The following GBE1 variants were observed in gnomAD, a reference collection of about 807,000 sequenced individuals.
The protein encoded by GBE1 is 1,4-alpha-glucan-branching enzyme.
GBE1 carries 70 observed loss-of-function variants against 88.8 expected under a neutral mutation model. The observed-to-expected ratio is 0.79, with a 90% CI of 0.65 to 0.96. GBE1 has a LOEUF of 0.96. Ranked by LOEUF, GBE1 falls within the 40% of genes least tolerant of loss-of-function variation. The pLI, the probability that GBE1 is intolerant of heterozygous loss-of-function variation, is 0.00. For synonymous variants in GBE1, 284 were observed against 300.1 expected (o/e 0.95, Z 0.56); for missense variants, 872 against 871.0 (o/e 1.00, Z -0.01).
chr3:81,514,356 T>C (rs1322683306), intron 14 of GBE1, among the ~76,000 whole-genome samples: 1 of 151,266 alleles, frequency 6.6e-6, no homozygotes, highest in African/African-American at 2.4e-5. Flanking sequence ...CATTCAGTTA[T>C]ATGTTAATTA....
rs140571802 is a variant in GBE1, at chr3:81,577,962, C to T, written c.1581G>A (p.Thr527=). ...GATAGCCTTCTCCACCAAGCCCATGCGTAATGAGTCGAATCATTTTATGAA... is the reference window on the plus strand; with the variant it reads ...GATAGCCTTCTCCACCAAGCCCATGTGTAATGAGTCGAATCATTTTATGAA... ...IQLHKMIRLI[T]HGLGGEGYLN... The change falls in exon 12 of 16, where the codon ACG becomes ACA. Residue 527 remains threonine (T), a synonymous_variant. Coordinates refer to ENST00000429644, the MANE Select transcript of GBE1 (RefSeq NM_000158.4). The T allele has an allele frequency of 5.1e-5, 82 of 1,605,892 alleles. No individual in the cohort carries two copies. The South Asian group carries it at 6.7e-4, about 13-fold the overall frequency.
At chr3:81,490,487 T>G (rs189560550) in intron 15 of GBE1, 24 bp from the exon 16 acceptor site, 1 of 1,596,036 alleles carries the variant, frequency 6.3e-7, no homozygotes, top group Non-Finnish European at 8.6e-7. Flanking sequence ...ATTATGTCAG[T>G]GCAATTGAAG....
At chr3:81,491,842 C>A (rs1702439775) in intron 15 of GBE1, among the ~76,000 whole-genome samples, 1 of 152,056 alleles carries the variant, frequency 6.6e-6, no homozygotes, top group South Asian at 2.1e-4. Context: ...CTTGTATGTC[C>A]AATGCATCTC....
rs539357866 is a variant in GBE1, at chr3:81,704,080, G to A, written c.313+1364C>T. ...TGCTGTACCCAGATTTCAAAGATGT[G>A]GTACAAGAAAAGAATGAAATTCTCA... On this transcript the variant is annotated intron_variant, in intron 2 of 15. Coordinates refer to ENST00000429644, the MANE Select transcript of GBE1 (RefSeq NM_000158.4). 9.9e-5 allele frequency among the ~76,000 whole-genome samples: 15 copies of A among 151,372 alleles called. No individual in the cohort carries two copies. In the South Asian group the frequency reaches 1.9e-3, roughly 19 times the overall value.
At chr3:81,641,728 A>G (rs181633138) in intron 7 of GBE1, among the ~76,000 whole-genome samples, 42 of 152,014 alleles carry the variant, frequency 2.8e-4, no homozygotes, top group Non-Finnish European at 4.7e-4. Context: ...ATAATGTATG[A>G]ATTTCCTTCA....
chr3:81,538,919 T>C (rs1703111423), intron 12 of GBE1, among the ~76,000 whole-genome samples: 1 of 152,008 alleles, frequency 6.6e-6, no homozygotes, highest in Non-Finnish European at 1.5e-5. Flanking sequence ...CCAGTATTAA[T>C]AAACAATTCC....
At chr3:81,689,627 T>C (rs1576200640) in intron 2 of GBE1, among the ~76,000 whole-genome samples, 1 of 152,290 alleles carries the variant, frequency 6.6e-6, no homozygotes, top group African/African-American at 2.4e-5. Flanking sequence ...CCCTGCGTTA[T>C]CATCTCACAC....
At chr3:81,555,263 C>A (rs1703331672) in intron 12 of GBE1, among the ~76,000 whole-genome samples, 1 of 152,114 alleles carries the variant, frequency 6.6e-6, no homozygotes, top group African/African-American at 2.4e-5. Context: ...ATAGGTTGAA[C>A]ATACATAAAC....
intron 1 of GBE1, among the ~76,000 whole-genome samples, chr3:81,734,825 C>T (rs761830066): frequency 1.3e-5 from 2 of 152,246 alleles, no homozygotes; most frequent in Non-Finnish European, 2.9e-5. Flanking sequence ...GAGTCACCCA[C>T]TTTCTGTAGT....
chr3:81,553,434 C>G (rs1703302634), intron 12 of GBE1, among the ~76,000 whole-genome samples: 1 of 151,856 alleles, frequency 6.6e-6, no homozygotes, highest in South Asian at 2.1e-4. Flanking sequence ...AGACTGGGGA[C>G]AGATATCCTG....
intron 6 of GBE1, among the ~76,000 whole-genome samples, chr3:81,646,117 C>T (rs1373786749): frequency 1.3e-5 from 2 of 152,156 alleles, no homozygotes; most frequent in East Asian, 1.9e-4. Flanking sequence ...GATTTTCTGA[C>T]TAAAACGTGG....
At chr3:81,628,110 C>T (rs1360617706) in intron 7 of GBE1, among the ~76,000 whole-genome samples, 1 of 152,082 alleles carries the variant, frequency 6.6e-6, no homozygotes, top group Non-Finnish European at 1.5e-5. Flanking sequence ...GTTCCAGAGG[C>T]TTTCATGACA....
intron 1 of GBE1, among the ~76,000 whole-genome samples, chr3:81,740,488 G>A (rs551370648): frequency 1.6e-3 from 247 of 151,886 alleles, no homozygotes; most frequent in Non-Finnish European, 2.9e-3. Context: ...TCTCATGTTG[G>A]AGACCACTTA....
At chr3:81,619,563 T>A (rs1704298012) in intron 7 of GBE1, among the ~76,000 whole-genome samples, 2 of 152,044 alleles carry the variant, frequency 1.3e-5, no homozygotes, top group Admixed American at 1.3e-4. Flanking sequence ...GAAAATAAAA[T>A]GGGAGGTTGG....
intron 7 of GBE1, among the ~76,000 whole-genome samples, chr3:81,599,678 T>C (rs185886366): frequency 4.6e-5 from 7 of 152,306 alleles, no homozygotes; most frequent in African/African-American, 1.7e-4. Context: ...TAAAATGTCA[T>C]GTGGTACATG....
At chr3:81,742,065 C>G (rs1379296064) in intron 1 of GBE1, among the ~76,000 whole-genome samples, 1 of 151,702 alleles carries the variant, frequency 6.6e-6, no homozygotes, top group Non-Finnish European at 1.5e-5. Context: ...AGACTTCCCC[C>G]CATTAAAAAC....
intron 1 of GBE1, among the ~76,000 whole-genome samples, chr3:81,751,075 A>G (rs904549627): frequency 3.3e-5 from 5 of 152,126 alleles, no homozygotes; most frequent in Non-Finnish European, 7.4e-5. Context: ...CTTAAGACAG[A>G]GCAGTGAAAA....
At chr3:81,686,191 T>C (rs756405724) in intron 2 of GBE1, among the ~76,000 whole-genome samples, 6 of 152,128 alleles carry the variant, frequency 3.9e-5, no homozygotes, top group Non-Finnish European at 8.8e-5. Context: ...AGAAAAATAA[T>C]GTTTCGCTTT....
At chr3:81,597,271 T>C (rs529819135) in intron 7 of GBE1, among the ~76,000 whole-genome samples, 125 of 151,830 alleles carry the variant, frequency 8.2e-4, no homozygotes, top group Non-Finnish European at 1.6e-3. Flanking sequence ...GACACAGTTT[T>C]ATTTTGGTGC....
Sources: gnomAD v4.1 joint callset for allele counts (sites outside exome capture counted in the v4.1 genomes callset) on GRCh38, gnomAD v4.1.1 for gene constraint, MANE v1.5 for transcripts, NCBI Gene and HGNC (gene_info 2026-07-23, HGNC 2026-07-21) for gene names.